The following NDUFAF6 variants were observed in gnomAD, a reference collection of about 807,000 sequenced individuals.
NDUFAF6 encodes the protein NADH dehydrogenase (ubiquinone) complex I, assembly factor 6.
NDUFAF6 carries 45 observed loss-of-function variants against 40.8 expected under a neutral mutation model. The observed-to-expected ratio is 1.10, with a 90% CI of 0.87 to 1.42. The LOEUF (loss-of-function observed/expected upper bound fraction) is 1.42. Ranked by LOEUF, NDUFAF6 falls within the 40% of genes most tolerant of loss-of-function variation. The probability of loss-of-function intolerance (pLI) is 0.00; values close to 1 mark genes in which losing one functional copy is unlikely to be tolerated. For synonymous variants in NDUFAF6, 185 were observed against 155.9 expected (o/e 1.19, Z -1.39); for missense variants, 435 against 418.5 (o/e 1.04, Z -0.34).
At chr8:94,977,998 AC>A (rs763360519) in intron 1 of NDUFAF6, among the ~76,000 whole-genome samples, 1 of 151,982 alleles carries the variant, frequency 6.6e-6, no homozygotes, top group Non-Finnish European at 1.5e-5. Flanking sequence ...TTGTTCTAAT[AC>A]TTGGTCTTGG....
intron 1 of NDUFAF6, chr8:94,974,431 C>T (rs1824753144): frequency 6.6e-6 from 1 of 152,142 alleles, no homozygotes; most frequent in Admixed American, 6.5e-5. Context: ...CTCCATTTTC[C>T]AATCTCTTCT....
intron 4 of NDUFAF6, among the ~76,000 whole-genome samples, chr8:95,111,610 C>T (rs1334665226): frequency 6.6e-6 from 1 of 152,038 alleles, no homozygotes; most frequent in Non-Finnish European, 1.5e-5. Flanking sequence ...GGAAATGTGC[C>T]TGCCAAAGCA....
Position 94,997,289 on chromosome 8 carries a change from G to GACACACAC in NDUFAF6, c.-84+16364_-84+16371dup, listed in dbSNP as rs57953301. Among the ~76,000 whole-genome samples, 204 of 94,696 alleles carry GACACACAC rather than the reference G, an allele frequency of 2.2e-3. 2 individuals are homozygous for GACACACAC. Among genetic ancestry groups the GACACACAC allele is most frequent in the East Asian group, 3.7e-3 (11 of 2,984 alleles). 62.1% of individuals were successfully genotyped at this position (94,696 alleles called of 152,430 possible). ...CAGTAGGCACTTAAGCAAGAAGAAA[G>GACACACAC]ACACACACACACACACACACACACA... On this transcript the variant is annotated intron_variant, in intron 2 of 9. Coordinates refer to the NDUFAF6 transcript ENST00000396111.
At chr8:94,917,416 A>G (rs1819212105) in intron 1 of NDUFAF6, among the ~76,000 whole-genome samples, 1 of 152,244 alleles carries the variant, frequency 6.6e-6, no homozygotes, top group African/African-American at 2.4e-5. Flanking sequence ...TCAGACTAGT[A>G]TATTTACCTC....
rs757137462 is a variant in NDUFAF6 at position 94,999,124 on chromosome 8, C to CTTT, written c.-84+18166_-84+18168dup. ...TATTTTTCTACTAAATTCCATTCTA[C>CTTT]TTTTTTTTTTTTTTTTTGAAGACAG... On this transcript the variant is annotated intron_variant, in intron 2 of 9. Transcript: ENST00000396111. 8.4e-3 allele frequency among the ~76,000 whole-genome samples: 1,172 copies of CTTT among 139,400 alleles called. 21 individuals are homozygous for CTTT. Among genetic ancestry groups the CTTT allele is most frequent in the African/African-American group, 0.03 (1,114 of 37,530 alleles). 91.5% of individuals were successfully genotyped at this position (139,400 alleles called of 152,430 possible). A position where few individuals can be genotyped will look rare whatever the true frequency, so the allele number is the denominator to read the frequency against.
chr8:95,056,125 A>T (rs1832096231), intron 8 of NDUFAF6, among the ~76,000 whole-genome samples: 1 of 152,310 alleles, frequency 6.6e-6, no homozygotes, highest in South Asian at 2.1e-4. Flanking sequence ...TGAGATTTGT[A>T]CATATTACTG....
chr8:94,986,166 C>A (rs1174986184), intron 2 of NDUFAF6, among the ~76,000 whole-genome samples: 1 of 152,160 alleles, frequency 6.6e-6, no homozygotes, highest in Non-Finnish European at 1.5e-5. Flanking sequence ...AACCACCTCG[C>A]CTGGCACAAT....
At chr8:95,021,924 A>G (rs1384120257), upstream of NDUFAF6, among the ~76,000 whole-genome samples, 1 of 152,194 alleles carries the variant, frequency 6.6e-6, no homozygotes, top group African/African-American at 2.4e-5. Context: ...TGTGAGACTG[A>G]ACTCTGAACC....
At chr8:94,950,627 G>C (rs1822517187) in intron 2 of NDUFAF6, 1 of 152,150 alleles carries the variant, frequency 6.6e-6, no homozygotes, top group Non-Finnish European at 1.5e-5. Context: ...ACCTTATCTT[G>C]GGAGAAAGAG....
intron 8 of NDUFAF6, among the ~76,000 whole-genome samples, chr8:95,057,451 G>GGTGGGGAT (rs1246174221): frequency 6.6e-6 from 1 of 152,094 alleles, no homozygotes; most frequent in African/African-American, 2.4e-5. Context: ...GGGGGGTCGG[G>GGTGGGGAT]GTGGGGATGT....
At chr8:95,022,767 A>G (rs1827744558), upstream of NDUFAF6, among the ~76,000 whole-genome samples, 1 of 152,196 alleles carries the variant, frequency 6.6e-6, no homozygotes, top group East Asian at 1.9e-4. Flanking sequence ...AGATAAAAAT[A>G]TATTGCAAAA....
chr8:95,088,208 A>G (rs1214481271), intron 2 of NDUFAF6, among the ~76,000 whole-genome samples: 1 of 152,176 alleles, frequency 6.6e-6, no homozygotes, highest in Non-Finnish European at 1.5e-5. Context: ...AGCCTCCCAC[A>G]GGCTGCCTCT....
intron 3 of NDUFAF6, among the ~76,000 whole-genome samples, chr8:95,039,471 TTTC>T (rs1227671590): frequency 6.9e-6 from 1 of 145,766 alleles, no homozygotes; most frequent in East Asian, 2.0e-4. Context: ...AAAGGGGGGG[TTTC>T]ACTGTGTTGC....
chr8:95,056,504 C>T (rs185807864), intron 8 of NDUFAF6, among the ~76,000 whole-genome samples: 6 of 152,224 alleles, frequency 3.9e-5, no homozygotes, highest in East Asian at 3.9e-4. Flanking sequence ...TGAGCCACCA[C>T]GCGTGGTCTC....
intron 2 of NDUFAF6, among the ~76,000 whole-genome samples, chr8:94,947,959 C>T (rs190212899): frequency 6.6e-6 from 1 of 152,318 alleles, no homozygotes; most frequent in Non-Finnish European, 1.5e-5. Context: ...ATTTCAATTA[C>T]CAGGCTGGTG....
At chr8:94,907,954 G>C (rs1461689170) in intron 1 of NDUFAF6, among the ~76,000 whole-genome samples, 1 of 152,158 alleles carries the variant, frequency 6.6e-6, no homozygotes, top group East Asian at 1.9e-4. Context: ...CTAAAATAGT[G>C]GCTGGCCCCT....
chr8:95,015,905 A>C (rs1174353428), intron 2 of NDUFAF6, among the ~76,000 whole-genome samples: 1 of 151,684 alleles, frequency 6.6e-6, no homozygotes, highest in Admixed American at 6.6e-5. Flanking sequence ...AGCCAGATCA[A>C]GAATGAGAAA....
chr8:94,989,965 T>C (rs1176557561), intron 2 of NDUFAF6, among the ~76,000 whole-genome samples: 1 of 152,188 alleles, frequency 6.6e-6, no homozygotes, highest in Non-Finnish European at 1.5e-5. Context: ...GCTAGGCTCA[T>C]GCAATCCGCC....
At chr8:95,066,447 TA>T (rs1217596349) in intron 9 of NDUFAF6, among the ~76,000 whole-genome samples, 4 of 151,242 alleles carry the variant, frequency 2.6e-5, no homozygotes, top group Non-Finnish European at 5.9e-5. Flanking sequence ...AAATCACTTT[TA>T]AAAAAAAAGT....
Sources: gnomAD v4.1 joint callset for allele counts (sites outside exome capture counted in the v4.1 genomes callset) on GRCh38, gnomAD v4.1.1 for gene constraint, MANE v1.5 for transcripts, NCBI Gene and HGNC (gene_info 2026-07-23, HGNC 2026-07-21) for gene names.